The following TENM4 variants were observed in gnomAD, a reference collection of about 807,000 sequenced individuals.
TENM4 encodes the protein teneurin transmembrane protein 4, also known as teneurin-4.
TENM4 carries 82 observed loss-of-function variants against 243.3 expected under a neutral mutation model. The ratio of observed to expected loss-of-function variants is 0.34; its 90% CI spans 0.28 to 0.40. TENM4 has a LOEUF of 0.40. Among genes scored for constraint, TENM4 ranks in the 10% least tolerant of loss-of-function variants. The pLI is 1.00. For synonymous variants in TENM4, 1,412 were observed against 1,456.3 expected, an observed-to-expected ratio of 0.97 and a Z score of 0.69; for missense variants, 3,138 against 3,673.3, an observed-to-expected ratio of 0.85 and a Z score of 3.77.
At chr11:79,201,786 G>C (rs146475881) in intron 3 of TENM4, among the ~76,000 whole-genome samples, 1 of 152,158 alleles carries the variant, frequency 6.6e-6, no homozygotes, top group Admixed American at 6.5e-5. Context: ...ACCACTGTAG[G>C]GTTTTCAGGT....
chr11:79,113,524 C>G (rs1861553330), intron 4 of TENM4, among the ~76,000 whole-genome samples: 2 of 151,916 alleles, frequency 1.3e-5, no homozygotes, highest in Non-Finnish European at 2.9e-5. Flanking sequence ...TTACAAGTCT[C>G]TTACTCTCAA....
chr11:78,870,137 A>T (rs989216986), intron 9 of TENM4, among the ~76,000 whole-genome samples: 3 of 152,220 alleles, frequency 2.0e-5, no homozygotes, highest in African/African-American at 4.8e-5. Context: ...TGAAGCTGAT[A>T]ATATCCACCT....
intron 6 of TENM4, among the ~76,000 whole-genome samples, chr11:78,957,731 C>T (rs569470076): frequency 1.8e-4 from 27 of 152,272 alleles, no homozygotes; most frequent in Admixed American, 3.9e-4. Flanking sequence ...GACCCATGGA[C>T]GGCCCAGCAT....
intron 3 of TENM4, among the ~76,000 whole-genome samples, chr11:79,176,159 A>T (rs1177446567): frequency 6.6e-6 from 1 of 152,188 alleles, no homozygotes; most frequent in Non-Finnish European, 1.5e-5. Context: ...TTCATAAAAT[A>T]TTTGTTGGGA....
rs778040411 is a variant in TENM4, at chr11:78,712,642, G to C, written c.3894C>G (p.Asn1298Lys). 2.5e-6 allele frequency: 4 copies of C among 1,613,888 alleles called. No homozygotes were observed. The highest frequency in any genetic ancestry group is 3.3e-4 in the Middle Eastern group (2 of 6,084). Residue 1298 changes from asparagine (N) to lysine (K), a missense_variant, in exon 26 of 34, where the codon AAC becomes AAG. Physicochemically the swap from Asn to Lys is moderately conservative, Grantham distance 94. Transcript: ENST00000278550. ...MSGAVFLSDS[N>K]SRRVFKIKST... Reference sequence around the variant, plus strand: ...ACTTGATTTTAAAGACCCGCCGGCTGTTGCTGTCAGAAAGGAAGACGGCCC... The same window carrying C: ...ACTTGATTTTAAAGACCCGCCGGCTCTTGCTGTCAGAAAGGAAGACGGCCC...
intron 19 of TENM4, among the ~76,000 whole-genome samples, chr11:78,747,670 C>T (rs1474104780): frequency 6.6e-6 from 1 of 152,182 alleles, no homozygotes; most frequent in Non-Finnish European, 1.5e-5. Flanking sequence ...TTGCTTGGAG[C>T]AAACTCTTAA....
chr11:78,665,788 G>A (rs1347900023), intron 32 of TENM4, among the ~76,000 whole-genome samples: 1 of 152,190 alleles, frequency 6.6e-6, no homozygotes, highest in Non-Finnish European at 1.5e-5. Flanking sequence ...AGAGTGCAAT[G>A]ATGTACATGA....
intron 10 of TENM4, among the ~76,000 whole-genome samples, chr11:78,862,185 G>A (rs1471004670): frequency 6.6e-6 from 1 of 152,110 alleles, no homozygotes; most frequent in Non-Finnish European, 1.5e-5. Flanking sequence ...TAAGTCAGGT[G>A]GGGAAGCTTA....
At chr11:79,266,877 CCA>C (rs1855892292) in intron 2 of TENM4, among the ~76,000 whole-genome samples, 1 of 152,120 alleles carries the variant, frequency 6.6e-6, no homozygotes, top group Non-Finnish European at 1.5e-5. Context: ...CCCTTCAGTA[CCA>C]CAGAGTTTTA....
chr11:79,000,626 A>G (rs1388780804), intron 6 of TENM4, among the ~76,000 whole-genome samples: 1 of 152,256 alleles, frequency 6.6e-6, no homozygotes, highest in Non-Finnish European at 1.5e-5. Flanking sequence ...CTCAAGATAT[A>G]GTTAAAAAAA....
chr11:79,407,570 C>T (rs1858599476), intron 1 of TENM4, among the ~76,000 whole-genome samples: 1 of 152,110 alleles, frequency 6.6e-6, no homozygotes, highest in Non-Finnish European at 1.5e-5. Flanking sequence ...GTAGCGAGAC[C>T]TAGATATAAA....
chr11:79,312,361 A>G (rs1015125196), intron 1 of TENM4, among the ~76,000 whole-genome samples: 6 of 152,242 alleles, frequency 3.9e-5, no homozygotes, highest in Non-Finnish European at 8.8e-5. Context: ...ATTGCAGGAA[A>G]AAACAGGTAT....
chr11:78,729,370 G>T lies in TENM4; in HGVS notation c.3406+6C>A. The T allele has an allele frequency of 6.4e-7, 1 of 1,566,914 alleles. No individual in the cohort carries two copies. Among genetic ancestry groups the T allele is most frequent in the Non-Finnish European group, 8.7e-7 (1 of 1,154,224 alleles). ...ATTCTCTGAGTCCTGCAGCCGGGAG[G>T]CTTACCAAAGGCTTCTGAAAGCCCA... On this transcript the variant is annotated splice_donor_region_variant and intron_variant, in intron 22 of 33. Transcript: ENST00000278550.
intron 2 of TENM4, among the ~76,000 whole-genome samples, chr11:79,227,955 C>T (rs1864303070): frequency 6.6e-6 from 1 of 152,130 alleles, no homozygotes; most frequent in South Asian, 2.1e-4. Flanking sequence ...GTAGCATTGT[C>T]CTTCTAAACC....
chr11:79,072,321 G>A (rs6592820), intron 4 of TENM4, among the ~76,000 whole-genome samples: 138,500 of 152,032 alleles, frequency 0.91, 63,384 homozygotes, highest in Middle Eastern at 0.98. Context: ...TGTTTCTACA[G>A]ACAAACAAAC....
At chr11:78,778,696 C>A in intron 16 of TENM4, 68 bp from the exon 17 acceptor site, 2 of 1,426,754 alleles carry the variant, frequency 1.4e-6, no homozygotes, top group South Asian at 2.4e-5. Flanking sequence ...GCCACATAAC[C>A]ATGCCAGATG....
intron 6 of TENM4, among the ~76,000 whole-genome samples, chr11:78,990,895 T>G (rs944693114): frequency 6.6e-6 from 1 of 152,238 alleles, no homozygotes; most frequent in African/African-American, 2.4e-5. Flanking sequence ...TACCATGTGT[T>G]AACTTGCATA....
At chr11:79,088,892 G>A (rs969543295) in intron 4 of TENM4, among the ~76,000 whole-genome samples, 4 of 152,172 alleles carry the variant, frequency 2.6e-5, no homozygotes, top group Non-Finnish European at 5.9e-5. Context: ...TTTTGAGCAG[G>A]TATGTTGCAG....
At chr11:79,361,159 T>C (rs547585912) in intron 1 of TENM4, among the ~76,000 whole-genome samples, 36 of 152,312 alleles carry the variant, frequency 2.4e-4, no homozygotes, top group African/African-American at 8.4e-4. Flanking sequence ...GCAGGCATAA[T>C]ATCAGTGCCA....
Sources: gnomAD v4.1 joint callset for allele counts (sites outside exome capture counted in the v4.1 genomes callset) on GRCh38, gnomAD v4.1.1 for gene constraint, MANE v1.5 for transcripts, NCBI Gene and HGNC (gene_info 2026-07-23, HGNC 2026-07-21) for gene names.